The following FCRL2 variants were observed in gnomAD, a reference collection of about 807,000 sequenced individuals.
FCRL2 encodes the protein Fc receptor like 2, also known as Fc receptor-like protein 2.
Under a neutral mutation model 59.8 loss-of-function variants are expected in FCRL2, and 48 were observed. That is an observed-to-expected ratio of 0.80 (90% CI 0.64 to 1.02). The LOEUF (loss-of-function observed/expected upper bound fraction) is 1.02. FCRL2 is among the 50% of genes least tolerant of loss of function. The pLI is 0.00. For synonymous variants in FCRL2, 251 were observed against 229.5 expected (o/e 1.09, Z -0.85); for missense variants, 658 against 597.3 (o/e 1.10, Z -1.06).
chr1:157,774,197 C>T (rs539679459), intron 2 of FCRL2, among the ~76,000 whole-genome samples: 15 of 152,308 alleles, frequency 9.8e-5, no homozygotes, highest in Middle Eastern at 3.4e-3. Flanking sequence ...GGGTGGAAGA[C>T]TGCATTGAGG....
intron 7 of FCRL2, 133 bp from the exon 8 acceptor site, chr1:157,749,810 T>C: frequency 1.8e-6 from 1 of 550,662 alleles, no homozygotes. Context: ...GTATTTCATC[T>C]AAATGGCTAC....
intron 7 of FCRL2, among the ~76,000 whole-genome samples, chr1:157,751,046 T>G (rs1648148365): frequency 6.6e-6 from 1 of 152,162 alleles, no homozygotes; most frequent in Admixed American, 6.5e-5. Context: ...AAGCAAGTCT[T>G]AAGCAACTGA....
intron 2 of FCRL2, among the ~76,000 whole-genome samples, chr1:157,775,241 G>C (rs962499273): frequency 6.6e-5 from 10 of 152,166 alleles, no homozygotes; most frequent in Non-Finnish European, 2.9e-5. Flanking sequence ...CAATGGCATT[G>C]AGTAGTTACG....
At chr1:157,757,425 G>A (rs987937532) in intron 7 of FCRL2, among the ~76,000 whole-genome samples, 3 of 152,108 alleles carry the variant, frequency 2.0e-5, no homozygotes, top group Admixed American at 6.5e-5. Flanking sequence ...ACCATGGCAC[G>A]TGTATAGGTA....
intron 7 of FCRL2, among the ~76,000 whole-genome samples, chr1:157,764,019 G>A (rs1472882141): frequency 8.1e-6 from 1 of 122,888 alleles, no homozygotes; most frequent in Non-Finnish European, 1.6e-5. Flanking sequence ...GATAGTGCGA[G>A]ACTTCATCTC....
rs544451709 is a variant in FCRL2 at position 157,769,717 on chromosome 1, G to A, written c.595+149C>T. 2.6e-5 allele frequency: 23 copies of A among 887,172 alleles called. No individual in the cohort carries two copies. In the South Asian group the frequency reaches 3.6e-4, roughly 14 times the overall value. 55.0% of individuals were successfully genotyped at this position (887,172 alleles called of 1,614,324 possible). On this transcript the variant is annotated intron_variant, in intron 4 of 11. Coordinates refer to ENST00000361516, the MANE Select transcript of FCRL2 (RefSeq NM_030764.4). ...GCTGGGATTACAGGCGTGAGCCACC[G>A]CGCCCGGCCGCAACCTGGAGGGTTT...
intron 7 of FCRL2, among the ~76,000 whole-genome samples, chr1:157,756,089 G>A (rs1648567948): frequency 6.6e-6 from 1 of 152,222 alleles, no homozygotes; most frequent in Non-Finnish European, 1.5e-5. Context: ...GGTTGACATA[G>A]AGGTATCATG....
intron 7 of FCRL2, among the ~76,000 whole-genome samples, chr1:157,750,536 T>G (rs538958143): frequency 1.1e-3 from 174 of 152,362 alleles, no homozygotes; most frequent in Non-Finnish European, 1.9e-3. Context: ...CCTCCCAGTG[T>G]AGAGGCAGTT....
chr1:157,768,345 T>A, intron 5 of FCRL2, 69 bp downstream of exon 5: 1 of 1,521,360 alleles, frequency 6.6e-7, no homozygotes, highest in Non-Finnish European at 8.9e-7. Flanking sequence ...TGAAATTTCC[T>A]CAGGACACAT....
chr1:157,757,054 GT>G (rs1489087756), intron 7 of FCRL2, among the ~76,000 whole-genome samples: 1 of 152,192 alleles, frequency 6.6e-6, no homozygotes, highest in Non-Finnish European at 1.5e-5. Flanking sequence ...TGTATGCATT[GT>G]TTTGCAGTGT....
At chr1:157,766,992 T>C (rs1243670217) in intron 6 of FCRL2, 21 bp from the exon 7 acceptor site, 2 of 1,600,914 alleles carry the variant, frequency 1.2e-6, no homozygotes, top group Non-Finnish European at 1.7e-6. Context: ...AAAGCAGTGC[T>C]TCAGCCCCAG....
intron 2 of FCRL2, among the ~76,000 whole-genome samples, chr1:157,774,619 T>C (rs1650270847): frequency 6.6e-6 from 1 of 152,190 alleles, no homozygotes. Flanking sequence ...ATTCCACTAA[T>C]GGTCAGAAAC....
chr1:157,747,380 A>T (rs1377778027), intron 10 of FCRL2, among the ~76,000 whole-genome samples: 1 of 152,156 alleles, frequency 6.6e-6, no homozygotes, highest in Non-Finnish European at 1.5e-5. Context: ...CCCTTTTTCC[A>T]GGTAGGCATA....
At chr1:157,770,690 G>A (rs754787999) in intron 2 of FCRL2, 24 bp from the exon 3 acceptor site, 1 of 1,612,916 alleles carries the variant, frequency 6.2e-7, no homozygotes, top group South Asian at 1.1e-5. Flanking sequence ...AGGGAAACCG[G>A]ATTTGCCATT....
At chr1:157,773,613 T>A (rs1650189588) in intron 2 of FCRL2, among the ~76,000 whole-genome samples, 1 of 152,204 alleles carries the variant, frequency 6.6e-6, no homozygotes, top group Non-Finnish European at 1.5e-5. Flanking sequence ...ACAGTTTGTA[T>A]CCACTTGCTT....
chr1:157,750,465 A>G (rs1648107916), intron 7 of FCRL2, among the ~76,000 whole-genome samples: 1 of 152,208 alleles, frequency 6.6e-6, no homozygotes, highest in Non-Finnish European at 1.5e-5. Context: ...CAAGAGTTAC[A>G]TTGCATTTGG....
intron 5 of FCRL2, 56 bp downstream of exon 5, chr1:157,768,358 G>T: frequency 6.4e-7 from 1 of 1,563,380 alleles, no homozygotes; most frequent in South Asian, 1.2e-5. Context: ...GGACACATGT[G>T]TATCATGACC....
chr1:157,759,630 G>A (rs894567407), intron 7 of FCRL2, among the ~76,000 whole-genome samples: 1 of 152,122 alleles, frequency 6.6e-6, no homozygotes, highest in South Asian at 2.1e-4. Flanking sequence ...TTAAAAATGG[G>A]CAAAGGACAT....
chr1:157,769,718 C>T (rs1251447420), intron 4 of FCRL2, 148 bp downstream of exon 4: 10 of 908,320 alleles, frequency 1.1e-5, no homozygotes, highest in East Asian at 2.7e-5. Flanking sequence ...TGAGCCACCG[C>T]GCCCGGCCGC....
Sources: gnomAD v4.1 joint callset for allele counts (sites outside exome capture counted in the v4.1 genomes callset) on GRCh38, gnomAD v4.1.1 for gene constraint, MANE v1.5 for transcripts, NCBI Gene and HGNC (gene_info 2026-07-23, HGNC 2026-07-21) for gene names.